Variants in ETNK1 observed in about 807,000 individuals in gnomAD.
ETNK1 encodes ethanolamine kinase 1.
A neutral mutation model predicts 45.1 loss-of-function variants in ETNK1; 8 were observed. The observed-to-expected ratio is 0.18, with a 90% confidence interval of 0.10 to 0.32. The LOEUF is 0.32. Among genes scored for constraint, ETNK1 ranks in the 10% least tolerant of loss-of-function variants. The pLI is 1.00. For synonymous variants in ETNK1, 152 were observed against 151.9 expected (o/e 1.00, Z -0.01); for missense variants, 302 against 430.6 (o/e 0.70, Z 2.64).
Position 22,685,591 on chromosome 12 carries a change from T to A in ETNK1, c.*637T>A, listed in dbSNP as rs1354497555. On this transcript the variant is annotated 3_prime_UTR_variant, in exon 8 of 8. Coordinates refer to ENST00000266517, the MANE Select transcript of ETNK1 (RefSeq NM_018638.5). ...CTTTTTGGGGTAATATAACTTAGAATTAAATCCCTGTTTCTCTATGTAGTC... is the reference window on the plus strand; with the variant it reads ...CTTTTTGGGGTAATATAACTTAGAAATAAATCCCTGTTTCTCTATGTAGTC... The A allele has an allele frequency of 6.6e-6, 1 of 151,860 alleles. No homozygotes were observed. Among genetic ancestry groups the A allele is most frequent in the Non-Finnish European group, 1.5e-5 (1 of 67,762 alleles). The allele number at this position is 151,860 out of a possible 1,614,324, so 9.4% of individuals were successfully genotyped here. A position where few individuals can be genotyped will look rare whatever the true frequency, so the allele number is the denominator to read the frequency against.
intron 1 of ETNK1, among the ~76,000 whole-genome samples, chr12:22,637,552 T>C (rs1398564795): frequency 2.0e-5 from 3 of 152,200 alleles, no homozygotes; most frequent in African/African-American, 7.2e-5. Context: ...TGTGCCTTTG[T>C]ATGTGTTGGG....
In ETNK1 at chr12:22,684,999, A is replaced by C. The variant is rs780747349; in HGVS notation, c.*45A>C. Reference sequence around the variant, plus strand: ...TCCAGTAGCTGAGCAATGCTTGTGAATCTTTTCTTAAGAAATCCCAAAAAG... The same window carrying C: ...TCCAGTAGCTGAGCAATGCTTGTGACTCTTTTCTTAAGAAATCCCAAAAAG... On this transcript the variant is annotated 3_prime_UTR_variant, in exon 8 of 8. Coordinates refer to ENST00000266517, the MANE Select transcript of ETNK1 (RefSeq NM_018638.5). 1.3e-5 allele frequency: 18 copies of C among 1,385,050 alleles called. No individual in the cohort carries two copies. The South Asian group carries it at 2.3e-4, about 18-fold the overall frequency. 85.8% of individuals were successfully genotyped at this position (1,385,050 alleles called of 1,614,324 possible). A position where few individuals can be genotyped will look rare whatever the true frequency, so the allele number is the denominator to read the frequency against.
At chr12:22,667,902 C>T (rs1387872415) in intron 4 of ETNK1, among the ~76,000 whole-genome samples, 1 of 151,968 alleles carries the variant, frequency 6.6e-6, no homozygotes, top group East Asian at 1.9e-4. Context: ...AACAGTTTAA[C>T]CAGTAGTGTC....
chr12:22,673,746 A>T, intron 6 of ETNK1, 86 bp downstream of exon 6: 1 of 1,317,854 alleles, frequency 7.6e-7, no homozygotes. Context: ...ACAATTTCCT[A>T]TTTTAAGTTT....
intron 1 of ETNK1, among the ~76,000 whole-genome samples, chr12:22,637,459 T>C (rs1184115137): frequency 6.6e-6 from 1 of 152,206 alleles, no homozygotes; most frequent in Non-Finnish European, 1.5e-5. Flanking sequence ...GAATTCTTTG[T>C]TCAAGTAAAA....
intron 4 of ETNK1, among the ~76,000 whole-genome samples, chr12:22,669,818 A>G (rs1173816018): frequency 7.7e-6 from 1 of 129,710 alleles, no homozygotes; most frequent in Non-Finnish European, 1.8e-5. Flanking sequence ...AAAAACAAAA[A>G]GAGAAAAAAA....
At chr12:22,629,753 TAAAC>T (rs1375281946) in intron 1 of ETNK1, among the ~76,000 whole-genome samples, 1 of 152,178 alleles carries the variant, frequency 6.6e-6, no homozygotes, top group Non-Finnish European at 1.5e-5. Context: ...ATTAAAAAAG[TAAAC>T]AATATATTAG....
chr12:22,652,238 C>T (rs936846102), intron 2 of ETNK1, among the ~76,000 whole-genome samples: 2 of 152,064 alleles, frequency 1.3e-5, no homozygotes, highest in African/African-American at 4.8e-5. Flanking sequence ...TTATATACTA[C>T]GTTTTGTTTA....
At chr12:22,644,312 T>C in intron 2 of ETNK1, 1 of 1,595,820 alleles carries the variant, frequency 6.3e-7, no homozygotes, top group African/African-American at 1.3e-5. Flanking sequence ...TAGTTAGTGT[T>C]TGAGTTGAAG....
chr12:22,682,471 A>C (rs1032402470), intron 6 of ETNK1: 9 of 277,438 alleles, frequency 3.2e-5, no homozygotes, highest in Non-Finnish European at 5.1e-5. Context: ...AAAATGTGCA[A>C]ATTCAACTCA....
Position 22,690,302 on chromosome 12 carries a change from T to A in ETNK1, c.*5348T>A, listed in dbSNP as rs1446177793. 1 of 152,544 alleles carries A rather than the reference T, an allele frequency of 6.6e-6. No homozygotes were observed. The highest frequency in any genetic ancestry group is 2.4e-5 in the African/African-American group (1 of 41,454). The allele number at this position is 152,544 out of a possible 1,614,324, so 9.4% of individuals were successfully genotyped here. Reference sequence around the variant, plus strand: ...CTGTCTGAGAATTTGTTAATCTGTTTGATAATGAAGATACTTCCTGTTTTC... The same window carrying A: ...CTGTCTGAGAATTTGTTAATCTGTTAGATAATGAAGATACTTCCTGTTTTC... On this transcript the variant is annotated 3_prime_UTR_variant, in exon 8 of 8. Transcript: ENST00000266517.
rs12315129 is a variant in ETNK1 at position 22,629,108 on chromosome 12, T to G, written c.156+3522T>G. Among the ~76,000 whole-genome samples the G allele has an allele frequency of 1.5e-3, 230 of 152,278 alleles. 1 individual carries two copies. Among genetic ancestry groups the G allele is most frequent in the African/African-American group, 5.3e-3 (222 of 41,586 alleles). On this transcript the variant is annotated intron_variant, in intron 1 of 7. Coordinates refer to ENST00000266517, the MANE Select transcript of ETNK1 (RefSeq NM_018638.5). ...GTTATTGTGAGGGTAAAATAAATGC[T>G]GTCTTTCATGATAATTATTATTGCT...
At chr12:22,672,324 T>G (rs2137568974) in intron 5 of ETNK1, among the ~76,000 whole-genome samples, 1 of 152,186 alleles carries the variant, frequency 6.6e-6, no homozygotes, top group Admixed American at 6.5e-5. Flanking sequence ...CCAGAATGGT[T>G]TATACCTAGT....
chr12:22,670,976 A>G (rs751165713), intron 4 of ETNK1: 1 of 276,730 alleles, frequency 3.6e-6, no homozygotes, highest in East Asian at 9.5e-5. Flanking sequence ...CCCATGTGGC[A>G]AAGGATTTAT....
intron 6 of ETNK1, among the ~76,000 whole-genome samples, chr12:22,676,188 T>G (rs1954160205): frequency 6.6e-6 from 1 of 152,086 alleles, no homozygotes; most frequent in South Asian, 2.1e-4. Context: ...GGCCCCGGTG[T>G]GTGATGTTCC....
At chr12:22,679,925 C>G (rs1402849210) in intron 6 of ETNK1, among the ~76,000 whole-genome samples, 1 of 152,144 alleles carries the variant, frequency 6.6e-6, no homozygotes, top group African/African-American at 2.4e-5. Flanking sequence ...CTCCTGACCT[C>G]AAATGATCCA....
intron 1 of ETNK1, among the ~76,000 whole-genome samples, chr12:22,636,938 T>A (rs1183773744): frequency 6.6e-6 from 1 of 152,168 alleles, no homozygotes; most frequent in Non-Finnish European, 1.5e-5. Context: ...GCTTGAGCAT[T>A]TGTAGATTTT....
Position 22,637,923 on chromosome 12 carries a change from CAG to C in ETNK1, c.157-5838_157-5837del, listed in dbSNP as rs1205417319. On this transcript the variant is annotated intron_variant, in intron 1 of 7. Coordinates refer to ENST00000266517, the MANE Select transcript of ETNK1 (RefSeq NM_018638.5). ...GAAAGCTCAGTCTTATAAGAAGTCT[CAG>C]ATAATGTGTAGACTTTACAGAAAAG... is the stretch of plus-strand genomic sequence containing the variant. Among the ~76,000 whole-genome samples the C allele has an allele frequency of 2.0e-5, 3 of 151,976 alleles. No individual in the cohort carries two copies. In the East Asian group the frequency reaches 5.8e-4, roughly 29 times the overall value.
At chr12:22,637,857 C>G (rs958429996) in intron 1 of ETNK1, among the ~76,000 whole-genome samples, 1 of 142,048 alleles carries the variant, frequency 7.0e-6, no homozygotes, top group South Asian at 2.1e-4. Flanking sequence ...GGAGAAGTGA[C>G]AGAGCGAGAG....
Sources: allele counts gnomAD v4.1 joint callset (sites outside exome capture counted in the v4.1 genomes callset), GRCh38; gene constraint gnomAD v4.1.1; transcripts MANE v1.5; gene names NCBI Gene and HGNC (gene_info 2026-07-23, HGNC 2026-07-21).